Variants in STOX2 observed in about 807,000 individuals in gnomAD.
STOX2 encodes the protein storkhead-box protein 2.
STOX2 carries 28 observed loss-of-function variants against 60.9 expected under a neutral mutation model. The ratio of observed to expected loss-of-function variants is 0.46; its 90% confidence interval spans 0.34 to 0.63. The LOEUF (loss-of-function observed/expected upper bound fraction) is 0.63. Ranked by LOEUF, STOX2 falls within the 30% of genes least tolerant of loss-of-function variation. The pLI is 0.01. For synonymous variants in STOX2, 472 were observed against 463.9 expected (o/e 1.02, Z -0.22); for missense variants, 1,024 against 1,187.7 (o/e 0.86, Z 2.03).
intron 2 of STOX2, among the ~76,000 whole-genome samples, chr4:184,007,045 A>AAAAAAAC (rs1553987519): frequency 8.7e-4 from 103 of 118,446 alleles, no homozygotes; most frequent in African/African-American, 3.0e-3. Context: ...AAACAAAAAA[A>AAAAAAAC]AAATTTTGTT....
Position 184,010,405 on chromosome 4 carries a change from C to A in STOX2, c.1567C>A (p.Pro523Thr). 1 of 1,613,760 alleles carries A rather than the reference C, an allele frequency of 6.2e-7. No individual in the cohort carries two copies. Among genetic ancestry groups the A allele is most frequent in the East Asian group, 2.2e-5 (1 of 44,866 alleles). The change falls in exon 3 of 4, where the codon CCC (proline) becomes ACC (threonine). Residue 523 changes from proline (P) to threonine (T), a missense_variant. Transcript: ENST00000308497. This position sits in a 1 kb window ranked among gnomAD's most constrained non-coding sequence, Gnocchi z 4.5. The part of the protein sequence containing the change: ...AEGCSQDDQT[P>T]SQSYIDDSTL... ...AGGCTGCAGCCAAGACGACCAGACC[C>A]CCAGCCAATCCTACATTGACGACAG...
chr4:183,838,003 T>C (rs1739757198), intron 1 of STOX2, among the ~76,000 whole-genome samples: 1 of 152,134 alleles, frequency 6.6e-6, no homozygotes, highest in Non-Finnish European at 1.5e-5. Context: ...ACATATTCAT[T>C]GTGGATTAGT....
intron 1 of STOX2, among the ~76,000 whole-genome samples, chr4:183,809,937 C>CA (rs1738997721): frequency 6.6e-6 from 1 of 152,132 alleles, no homozygotes; most frequent in Non-Finnish European, 1.5e-5. Context: ...TTTTATTCTC[C>CA]AAAAAATTAT....
chr4:183,946,392 C>T (rs1324199166), intron 1 of STOX2, among the ~76,000 whole-genome samples: 2 of 152,048 alleles, frequency 1.3e-5, no homozygotes, highest in Non-Finnish European at 2.9e-5. Flanking sequence ...TACAGTCATG[C>T]CTCGGTGTCC....
intron 1 of STOX2, among the ~76,000 whole-genome samples, chr4:183,885,877 C>T (rs560350990): frequency 3.3e-5 from 5 of 152,356 alleles, no homozygotes; most frequent in African/African-American, 1.2e-4. Context: ...CCAGTGTCAA[C>T]ACGCATCTCA....
intron 1 of STOX2, among the ~76,000 whole-genome samples, chr4:183,986,126 T>G (rs1336080688): frequency 6.6e-6 from 1 of 151,080 alleles, no homozygotes; most frequent in East Asian, 1.9e-4. Context: ...GTTAAGTATG[T>G]GGAGAAAGAA....
intron 1 of STOX2, among the ~76,000 whole-genome samples, chr4:183,864,656 C>T (rs1242278191): frequency 1.3e-5 from 2 of 152,122 alleles, no homozygotes; most frequent in African/African-American, 4.8e-5. Context: ...TGCCTCCCAA[C>T]GTGCTGGGAT....
At chr4:183,986,282 T>A (rs948938208) in intron 1 of STOX2, among the ~76,000 whole-genome samples, 1 of 152,234 alleles carries the variant, frequency 6.6e-6, no homozygotes, top group African/African-American at 2.4e-5. Context: ...CAAGGTAAAA[T>A]TGATGAGGCT....
At chr4:183,990,946 A>G (rs1306013347) in intron 1 of STOX2, among the ~76,000 whole-genome samples, 1 of 152,174 alleles carries the variant, frequency 6.6e-6, no homozygotes, top group African/African-American at 2.4e-5. Flanking sequence ...CTTAGAAGAA[A>G]GAGCCAGAAT....
chr4:183,818,284 G>A (rs1739202558), intron 1 of STOX2, among the ~76,000 whole-genome samples: 1 of 151,876 alleles, frequency 6.6e-6, no homozygotes, highest in Admixed American at 6.6e-5. Context: ...TGAGATTAGG[G>A]AGTGGTGATG....
Position 183,823,905 on chromosome 4 carries a change from C to T in STOX2, c.364+25850C>T, listed in dbSNP as rs369192025. Among the ~76,000 whole-genome samples the T allele has an allele frequency of 6.0e-5, 9 of 148,790 alleles. No homozygotes were observed. The East Asian group carries it at 1.2e-3, about 19-fold the overall frequency. On this transcript the variant is annotated intron_variant, in intron 1 of 2. Transcript: ENST00000513034. ...ATTGTAAAGCATAATGTACAGCATA[C>T]GTTAAAAACAGTATAACAGCAAGGC...
At position 184,023,459 on chromosome 4, in the gene STOX2, T is replaced by C. The variant is rs1734666112; in HGVS notation, c.*6175T>C. 1 of 152,196 alleles carries C rather than the reference T, an allele frequency of 6.6e-6. No homozygotes were observed. The highest frequency in any genetic ancestry group is 1.5e-5 in the Non-Finnish European group (1 of 68,030). The allele number at this position is 152,196 out of a possible 1,614,324, so 9.4% of individuals were successfully genotyped here. The stretch of plus-strand genomic sequence containing the variant: ...TGATACTGTGTTCATGTTGTTTATG[T>C]AGTGTTGTGTGAAATATCCATTTTG... On this transcript the variant is annotated 3_prime_UTR_variant, in exon 4 of 4. Transcript: ENST00000308497.
At chr4:183,932,437 A>T (rs1742463970) in intron 1 of STOX2, among the ~76,000 whole-genome samples, 1 of 86,122 alleles carries the variant, frequency 1.2e-5, no homozygotes, top group Non-Finnish European at 2.2e-5. Flanking sequence ...GTATGTATAC[A>T]TACAGTATAT....
At chr4:183,907,179 G>A (rs1003827008) in intron 1 of STOX2, among the ~76,000 whole-genome samples, 1 of 152,130 alleles carries the variant, frequency 6.6e-6, no homozygotes, top group African/African-American at 2.4e-5. Context: ...TAAAACGAGG[G>A]AGGGGGGACG....
intron 1 of STOX2, among the ~76,000 whole-genome samples, chr4:183,819,839 CTT>C (rs1427954316): frequency 1.3e-5 from 2 of 152,134 alleles, no homozygotes; most frequent in Admixed American, 1.3e-4. Context: ...GGGCCATGCT[CTT>C]TTTCCATGCA....
chr4:183,938,665 T>C (rs1742658743), intron 1 of STOX2, among the ~76,000 whole-genome samples: 1 of 69,516 alleles, frequency 1.4e-5, no homozygotes, highest in South Asian at 4.9e-4. Flanking sequence ...TGAGACTCCG[T>C]CTCCAAAAAA....
intron 1 of STOX2, among the ~76,000 whole-genome samples, chr4:183,874,584 AT>A (rs1740768336): frequency 1.3e-5 from 2 of 151,814 alleles, no homozygotes; most frequent in African/African-American, 4.8e-5. Flanking sequence ...TTCTAATAGC[AT>A]TTTTGTTCTT....
intron 1 of STOX2, among the ~76,000 whole-genome samples, chr4:183,926,716 CG>C (rs935340721): frequency 2.6e-5 from 4 of 152,064 alleles, no homozygotes; most frequent in African/African-American, 9.7e-5. Flanking sequence ...CTCCACCTCC[CG>C]GGTTCAAGCA....
chr4:183,933,387 G>A (rs1246516324), intron 1 of STOX2, among the ~76,000 whole-genome samples: 1 of 78,058 alleles, frequency 1.3e-5, no homozygotes. Context: ...AGAAGTTGTT[G>A]TTGTTGTTGT....
Sources: gnomAD v4.1 joint callset for allele counts (sites outside exome capture counted in the v4.1 genomes callset) on GRCh38, gnomAD v4.1.1 for gene constraint, Gnocchi (gnomAD v3.1) non-coding constraint, MANE v1.5 for transcripts, NCBI Gene and HGNC (gene_info 2026-07-23, HGNC 2026-07-21) for gene names.